KIF13B: variants seen among roughly 807,000 people sequenced by gnomAD.
KIF13B encodes the protein kinesin-like protein KIF13B.
A neutral mutation model predicts 222.0 loss-of-function variants in KIF13B; 127 were observed. That is an observed-to-expected ratio of 0.57 (90% CI 0.50 to 0.66). The LOEUF (loss-of-function observed/expected upper bound fraction) is 0.66. KIF13B is among the 30% of genes least tolerant of loss of function. The pLI is 0.00. For synonymous variants in KIF13B, 976 were observed against 919.0 expected (o/e 1.06, Z -1.12); for missense variants, 2,173 against 2,379.0 (o/e 0.91, Z 1.80).
At chr8:29,147,702 C>A in intron 16 of KIF13B, 100 bp from the exon 17 acceptor site, 2 of 834,712 alleles carry the variant, frequency 2.4e-6, no homozygotes, top group Non-Finnish European at 3.8e-6. Context: ...CTTAACTATA[C>A]CACCTAATAC....
At chr8:29,226,119 T>C (rs1586952646) in intron 2 of KIF13B, among the ~76,000 whole-genome samples, 1 of 152,350 alleles carries the variant, frequency 6.6e-6, no homozygotes, top group East Asian at 1.9e-4. Context: ...GACGGATTGA[T>C]TCATCTTTGA....
Position 29,103,155 on chromosome 8 carries a change from C to T in KIF13B, c.4216-3914G>A, listed in dbSNP as rs187517670. ...TACTCGGGAGGCTGAGGCAGGAGAACGGCTTGAACCCAGGAGGCGGAGCTT... is the reference window on the plus strand; with the variant it reads ...TACTCGGGAGGCTGAGGCAGGAGAATGGCTTGAACCCAGGAGGCGGAGCTT... On this transcript the variant is annotated intron_variant, in intron 35 of 39. Transcript: ENST00000524189. Among the ~76,000 whole-genome samples the T allele has an allele frequency of 2.2e-3, 330 of 149,822 alleles. 1 individual carries two copies. Among genetic ancestry groups the T allele is most frequent in the African/African-American group, 4.2e-3 (171 of 40,804 alleles).
chr8:29,140,044 G>C lies in KIF13B; in HGVS notation c.2613+19C>G. On this transcript the variant is annotated intron_variant, in intron 21 of 39. Transcript: ENST00000524189. ...TGACTTTTGTATCAACGTAATACTA[G>C]GATGAAGCTGGGACTTACCATGCAC... is the stretch of plus-strand genomic sequence containing the variant. 2 of 1,557,832 alleles carry C rather than the reference G, an allele frequency of 1.3e-6. No individual in the cohort carries two copies. The highest frequency in any genetic ancestry group is 1.7e-6 in the Non-Finnish European group (2 of 1,152,394).
At chr8:29,207,843 A>G (rs1464530011) in intron 2 of KIF13B, among the ~76,000 whole-genome samples, 1 of 152,160 alleles carries the variant, frequency 6.6e-6, no homozygotes, top group Non-Finnish European at 1.5e-5. Context: ...GTTTGAAATG[A>G]TGGCTACTAT....
intron 2 of KIF13B, among the ~76,000 whole-genome samples, chr8:29,238,998 A>G (rs1379371710): frequency 6.6e-6 from 1 of 152,208 alleles, no homozygotes; most frequent in Non-Finnish European, 1.5e-5. Context: ...TGATCACACC[A>G]CTATACGCCA....
At chr8:29,190,704 A>T (rs1415697418) in intron 4 of KIF13B, 3 of 363,078 alleles carry the variant, frequency 8.3e-6, no homozygotes, top group Non-Finnish European at 1.5e-5. Context: ...GGAAGGAGGG[A>T]GCGGTCTTGT....
intron 6 of KIF13B, 117 bp downstream of exon 6, chr8:29,186,175 T>C: frequency 1.3e-6 from 1 of 751,854 alleles, no homozygotes; most frequent in Admixed American, 2.4e-5. Context: ...GCCACTGCAC[T>C]GAAGCCTATG....
At chr8:29,118,212 C>G (rs1809692373) in intron 30 of KIF13B, among the ~76,000 whole-genome samples, 1 of 151,450 alleles carries the variant, frequency 6.6e-6, no homozygotes, top group Non-Finnish European at 1.5e-5. Flanking sequence ...AAATCCCAGC[C>G]AGGCACAGTG....
chr8:29,164,644 C>G (rs1811913692), intron 12 of KIF13B, among the ~76,000 whole-genome samples: 1 of 152,154 alleles, frequency 6.6e-6, no homozygotes, highest in Non-Finnish European at 1.5e-5. Context: ...CTGATTCAAT[C>G]GCTACTACTG....
intron 3 of KIF13B, among the ~76,000 whole-genome samples, chr8:29,195,166 T>C (rs1432590051): frequency 6.6e-6 from 1 of 152,074 alleles, no homozygotes; most frequent in Non-Finnish European, 1.5e-5. Context: ...GAGAATTGCT[T>C]GAACCCAGGA....
intron 2 of KIF13B, among the ~76,000 whole-genome samples, chr8:29,241,224 A>C (rs1395623174): frequency 1.3e-5 from 2 of 152,212 alleles, no homozygotes; most frequent in African/African-American, 4.8e-5. Flanking sequence ...ATTTATAGGA[A>C]ATGTCCAGAA....
At chr8:29,228,472 A>AAAAAAAAAAAATGT in intron 2 of KIF13B, among the ~76,000 whole-genome samples, 1 of 117,086 alleles carries the variant, frequency 8.5e-6, no homozygotes, top group African/African-American at 3.3e-5. Flanking sequence ...ATCTTAAAAA[A>AAAAAAAAAAAATGT]ATATATATAT....
At chr8:29,099,849 G>A (rs1022847556) in intron 35 of KIF13B, among the ~76,000 whole-genome samples, 1 of 152,014 alleles carries the variant, frequency 6.6e-6, no homozygotes, top group Non-Finnish European at 1.5e-5. Context: ...GAATACAGAC[G>A]TATTCCTTCT....
intron 21 of KIF13B, 68 bp from the exon 22 acceptor site, chr8:29,134,278 T>A: frequency 6.7e-7 from 1 of 1,490,054 alleles, no homozygotes; most frequent in Non-Finnish European, 9.2e-7. Flanking sequence ...AGTTGCAGGT[T>A]CCAGCCCCGG....
chr8:29,263,220 G>A (rs1816757269), upstream of KIF13B: 1 of 556,962 alleles, frequency 1.8e-6, no homozygotes, highest in Non-Finnish European at 3.1e-6. Context: ...CAGGGTCGTC[G>A]TGGGCGGGGC....
At chr8:29,180,279 T>C (rs757601150) in intron 7 of KIF13B, 41 bp from the exon 8 acceptor site, 4 of 1,602,182 alleles carry the variant, frequency 2.5e-6, no homozygotes, top group East Asian at 4.5e-5. Flanking sequence ...TCATTACTTG[T>C]GTAATACACA....
rs78109018 is a variant in KIF13B at position 29,175,221 on chromosome 8, G to A, written c.945+847C>T. The stretch of plus-strand genomic sequence containing the variant: ...ACTTATACCCTCTAATTCCCAGTCC[G>A]ATATCCAACTCACCACACCACCTTA... On this transcript the variant is annotated intron_variant, in intron 10 of 39. Transcript: ENST00000524189. 1.8e-3 allele frequency among the ~76,000 whole-genome samples: 269 copies of A among 152,222 alleles called. 5 individuals are homozygous for A. In the East Asian group the frequency reaches 0.046, roughly 26 times the overall value.
intron 36 of KIF13B, among the ~76,000 whole-genome samples, chr8:29,096,300 T>C (rs1390173231): frequency 1.6e-3 from 232 of 145,432 alleles, no homozygotes; most frequent in African/African-American, 5.0e-3. Context: ...TTTCTTTTTT[T>C]TTTTTTTTTT....
chr8:29,238,792 A>G (rs1042340888), intron 2 of KIF13B, among the ~76,000 whole-genome samples: 2 of 152,222 alleles, frequency 1.3e-5, no homozygotes, highest in Non-Finnish European at 2.9e-5. Flanking sequence ...GTTAATGAAG[A>G]TCTTGACACC....
Sources: allele counts gnomAD v4.1 joint callset (sites outside exome capture counted in the v4.1 genomes callset), GRCh38; gene constraint gnomAD v4.1.1; transcripts MANE v1.5; gene names NCBI Gene and HGNC (gene_info 2026-07-23, HGNC 2026-07-21).